Variants in KCNIP1 observed in about 807,000 individuals in gnomAD.
KCNIP1 encodes A-type potassium channel modulatory protein KCNIP1.
A neutral mutation model predicts 33.0 loss-of-function variants in KCNIP1; 18 were observed. The observed-to-expected ratio is 0.55, with a 90% CI of 0.38 to 0.81. The LOEUF (loss-of-function observed/expected upper bound fraction) is 0.81, where lower values mean the gene tolerates loss of function less well. Ranked by LOEUF, KCNIP1 falls within the 30% of genes least tolerant of loss-of-function variation. The probability of loss-of-function intolerance (pLI) is 0.00; values close to 1 mark genes in which losing one functional copy is unlikely to be tolerated. For synonymous variants in KCNIP1, 93 were observed against 98.3 expected, an observed-to-expected ratio of 0.95 and a Z score of 0.32; for missense variants, 238 against 271.6, an observed-to-expected ratio of 0.88 and a Z score of 0.87.
chr5:170,391,221 G>T (rs1754581968), intron 1 of KCNIP1, among the ~76,000 whole-genome samples: 1 of 152,146 alleles, frequency 6.6e-6, no homozygotes, highest in African/African-American at 2.4e-5. Flanking sequence ...CCCCCCTCCT[G>T]CTTCCCTGGG....
chr5:170,370,009 T>C (rs1020421367), intron 1 of KCNIP1, among the ~76,000 whole-genome samples: 5 of 151,836 alleles, frequency 3.3e-5, no homozygotes, highest in African/African-American at 9.7e-5. Flanking sequence ...TTTATACAAG[T>C]AGAGTCAGGG....
exon 1 of KCNIP1, chr5:170,353,727 G>T: frequency 1.5e-6 from 1 of 665,320 alleles, no homozygotes. Flanking sequence ...CGCTGCAGAG[G>T]CAGCTGTGCT....
chr5:170,428,320 C>T (rs574373640), intron 1 of KCNIP1, among the ~76,000 whole-genome samples: 219 of 152,140 alleles, frequency 1.4e-3, no homozygotes, highest in Non-Finnish European at 2.2e-3. Flanking sequence ...TGCCACAGTG[C>T]GAAAGATAGG....
intron 1 of KCNIP1, among the ~76,000 whole-genome samples, chr5:170,714,694 G>T (rs1338799695): frequency 6.6e-6 from 1 of 151,840 alleles, no homozygotes; most frequent in Admixed American, 6.6e-5. Context: ...GGTTTTAAAA[G>T]AAAAGAAATG....
chr5:170,383,781 G>T, intron 1 of KCNIP1: 1 of 1,614,056 alleles, frequency 6.2e-7, no homozygotes, highest in Non-Finnish European at 8.5e-7. Flanking sequence ...GCACCTTCTT[G>T]CCCTTCAGCT....
intron 1 of KCNIP1, among the ~76,000 whole-genome samples, chr5:170,534,630 C>T (rs1018021129): frequency 6.6e-6 from 1 of 151,844 alleles, no homozygotes; most frequent in Non-Finnish European, 1.5e-5. Flanking sequence ...TGATTCCCCC[C>T]ACCTCAACCT....
intron 1 of KCNIP1, among the ~76,000 whole-genome samples, chr5:170,492,741 G>A (rs1428534664): frequency 6.7e-6 from 1 of 149,306 alleles, no homozygotes; most frequent in South Asian, 2.1e-4. Context: ...GGGAGACAGA[G>A]ACCAAATATC....
intron 1 of KCNIP1, among the ~76,000 whole-genome samples, chr5:170,644,292 G>A (rs1052816709): frequency 2.0e-5 from 3 of 152,258 alleles, no homozygotes; most frequent in Non-Finnish European, 4.4e-5. Flanking sequence ...CCCTCATAGA[G>A]TGGCCTGACA....
intron 1 of KCNIP1, among the ~76,000 whole-genome samples, chr5:170,698,468 A>T (rs1355829993): frequency 1.3e-5 from 2 of 152,164 alleles, no homozygotes; most frequent in Non-Finnish European, 2.9e-5. Flanking sequence ...TACATCCTTA[A>T]GTCTCTAGTT....
intron 1 of KCNIP1, among the ~76,000 whole-genome samples, chr5:170,647,740 C>T (rs1400174797): frequency 6.6e-6 from 1 of 151,882 alleles, no homozygotes; most frequent in Non-Finnish European, 1.5e-5. Flanking sequence ...AGATATAACA[C>T]CAAAGGCACA....
Position 170,462,183 on chromosome 5 carries a change from A to G in KCNIP1, c.88+108219A>G, listed in dbSNP as rs994759192. 3.3e-5 allele frequency among the ~76,000 whole-genome samples: 5 copies of G among 150,618 alleles called. No homozygotes were observed. The Admixed American group carries it at 3.3e-4, about 10-fold the overall frequency. On this transcript the variant is annotated intron_variant, in intron 1 of 7. Coordinates refer to the KCNIP1 transcript ENST00000377360. Reference sequence around the variant, plus strand: ...TCAGCAGAGTAAACAGACAACCCAGAGAGTGGGAGAAAATCTTCACAATCT... The same window carrying G: ...TCAGCAGAGTAAACAGACAACCCAGGGAGTGGGAGAAAATCTTCACAATCT...
chr5:170,621,711 GTT>G (rs1759609954), intron 1 of KCNIP1, among the ~76,000 whole-genome samples: 2 of 152,120 alleles, frequency 1.3e-5, no homozygotes, highest in South Asian at 4.1e-4. Context: ...GTCTCACTGT[GTT>G]GCCCAGGCTG....
At chr5:170,734,753 T>A (rs1472906614) in intron 7 of KCNIP1, among the ~76,000 whole-genome samples, 1 of 152,208 alleles carries the variant, frequency 6.6e-6, no homozygotes, top group Non-Finnish European at 1.5e-5. Flanking sequence ...CCCATCAAGT[T>A]TCAAGCACAT....
chr5:170,419,375 C>T (rs556253874), intron 1 of KCNIP1, among the ~76,000 whole-genome samples: 10 of 152,172 alleles, frequency 6.6e-5, no homozygotes, highest in Non-Finnish European at 1.2e-4. Flanking sequence ...TATTCCCTCC[C>T]GGTCCAATGC....
chr5:170,365,810 T>C (rs556968915), intron 1 of KCNIP1, among the ~76,000 whole-genome samples: 2 of 152,342 alleles, frequency 1.3e-5, no homozygotes, highest in East Asian at 3.9e-4. Flanking sequence ...TTCTGTAAAA[T>C]GTGTGCAATA....
At chr5:170,645,207 G>C (rs1313845128) in intron 1 of KCNIP1, among the ~76,000 whole-genome samples, 18 of 152,186 alleles carry the variant, frequency 1.2e-4, no homozygotes, top group Admixed American at 1.2e-3. Flanking sequence ...TCTCTTTAAA[G>C]CTTGTCTAGG....
At chr5:170,482,234 C>T (rs1408374131) in intron 1 of KCNIP1, among the ~76,000 whole-genome samples, 1 of 152,172 alleles carries the variant, frequency 6.6e-6, no homozygotes, top group African/African-American at 2.4e-5. Flanking sequence ...ATTATTTAGG[C>T]AGCACAGGAC....
intron 1 of KCNIP1, among the ~76,000 whole-genome samples, chr5:170,694,035 A>G (rs1762810941): frequency 6.6e-6 from 1 of 152,180 alleles, no homozygotes; most frequent in Non-Finnish European, 1.5e-5. Flanking sequence ...CCCCTCCGGG[A>G]TGACAGGTGC....
chr5:170,376,641 G>A (rs1177401863), intron 1 of KCNIP1: 1 of 152,086 alleles, frequency 6.6e-6, no homozygotes, highest in African/African-American at 2.4e-5. Flanking sequence ...CCCTGTGTTA[G>A]TTTGCTAAGG....
Sources: allele counts gnomAD v4.1 joint callset (sites outside exome capture counted in the v4.1 genomes callset), GRCh38; gene constraint gnomAD v4.1.1; transcripts MANE v1.5; gene names NCBI Gene and HGNC (gene_info 2026-07-23, HGNC 2026-07-21).